The following MYO5B variants were observed in gnomAD, a reference collection of about 807,000 sequenced individuals.
MYO5B encodes unconventional myosin-Vb.
MYO5B carries 143 observed loss-of-function variants against 229.3 expected under a neutral mutation model. That is an observed-to-expected ratio of 0.62 (90% confidence interval 0.54 to 0.72). The LOEUF (loss-of-function observed/expected upper bound fraction) is 0.72, where lower values mean the gene tolerates loss of function less well. Ranked by LOEUF, MYO5B falls within the 30% of genes least tolerant of loss-of-function variation. MYO5B has a pLI of 0.00. For missense variants in MYO5B, 2,321 were observed against 2,331.0 expected, an observed-to-expected ratio of 1.00 and a Z score of 0.09; for synonymous variants, 918 against 885.2, an observed-to-expected ratio of 1.04 and a Z score of -0.66.
intron 1 of MYO5B, among the ~76,000 whole-genome samples, chr18:50,088,032 C>A (rs2031369189): frequency 6.6e-6 from 1 of 152,128 alleles, no homozygotes; most frequent in Admixed American, 6.5e-5. Context: ...TTGAGCAAAG[C>A]TTTGAAGGAT....
chr18:50,041,788 T>C (rs1568082414), intron 2 of MYO5B, among the ~76,000 whole-genome samples: 1 of 152,174 alleles, frequency 6.6e-6, no homozygotes, highest in East Asian at 1.9e-4. Context: ...TTGACTATAA[T>C]TTAAAACTTT....
intron 1 of MYO5B, among the ~76,000 whole-genome samples, chr18:50,178,271 A>G (rs1350560448): frequency 6.6e-6 from 1 of 152,224 alleles, no homozygotes; most frequent in Non-Finnish European, 1.5e-5. Context: ...GGCACAAAGT[A>G]GAATCAATGC....
rs1351932096 is a variant in MYO5B, at chr18:49,992,434, G to A, written c.613-3C>T. On this transcript the variant is annotated splice_polypyrimidine_tract_variant and splice_region_variant and intron_variant, in intron 5 of 39. Coordinates refer to ENST00000285039, the MANE Select transcript of MYO5B (RefSeq NM_001080467.3). Reference sequence around the variant, plus strand: ...GTGGTCTTGGCATTTCCAATGGCCTGCACAGACCAGACAGACAAAGGTATG... The same window carrying A: ...GTGGTCTTGGCATTTCCAATGGCCTACACAGACCAGACAGACAAAGGTATG... 1 of 1,614,058 alleles carries A rather than the reference G, an allele frequency of 6.2e-7. No individual in the cohort carries two copies. Among genetic ancestry groups the A allele is most frequent in the Admixed American group, 1.7e-5 (1 of 60,020 alleles).
chr18:50,099,103 T>C (rs541146069), intron 1 of MYO5B: 1 of 152,492 alleles, frequency 6.6e-6, no homozygotes, highest in Non-Finnish European at 1.5e-5. Flanking sequence ...ATTTAATTCA[T>C]CTTCTGACCA....
At chr18:49,947,521 G>A (rs1420777520) in intron 14 of MYO5B, among the ~76,000 whole-genome samples, 1 of 152,048 alleles carries the variant, frequency 6.6e-6, no homozygotes, top group East Asian at 1.9e-4. Flanking sequence ...ACATACATGG[G>A]GTACCTAGTT....
chr18:49,925,045 G>A (rs1386746493), intron 17 of MYO5B, among the ~76,000 whole-genome samples: 1 of 152,220 alleles, frequency 6.6e-6, no homozygotes, highest in Non-Finnish European at 1.5e-5. Flanking sequence ...AAGTTAACCT[G>A]AAACACTAGT....
intron 25 of MYO5B, 48 bp from the exon 26 acceptor site, chr18:49,875,875 C>A: frequency 6.2e-7 from 1 of 1,609,488 alleles, no homozygotes. Context: ...AAATACATGC[C>A]TTAGGGAACA....
At position 50,115,553 on chromosome 18, in the gene MYO5B, C is replaced by CAGAGAG. The variant is rs1568112670; in HGVS notation, c.28-60176_28-60175insCTCTCT. ...ACACACACACACACAGAGAGACACA[C>CAGAGAG]ACACACACACACACACACACACACA... On this transcript the variant is annotated intron_variant, in intron 1 of 39. Coordinates refer to ENST00000285039, the MANE Select transcript of MYO5B (RefSeq NM_001080467.3). 4.7e-3 allele frequency among the ~76,000 whole-genome samples: 309 copies of CAGAGAG among 65,758 alleles called. 1 individual carries two copies. The highest frequency in any genetic ancestry group is 6.3e-3 in the Non-Finnish European group (217 of 34,298). The allele number at this position is 65,758 out of a possible 152,430, so 43.1% of individuals were successfully genotyped here.
At chr18:50,150,879 T>C (rs1342977935) in intron 1 of MYO5B, among the ~76,000 whole-genome samples, 2 of 152,138 alleles carry the variant, frequency 1.3e-5, no homozygotes, top group Non-Finnish European at 2.9e-5. Flanking sequence ...AGCCACAACA[T>C]ATAGCTGAAA....
intron 5 of MYO5B, among the ~76,000 whole-genome samples, chr18:49,993,039 C>G (rs557252940): frequency 6.6e-6 from 1 of 152,116 alleles, no homozygotes; most frequent in Non-Finnish European, 1.5e-5. Flanking sequence ...CTTGGTATTT[C>G]TTCTGCAGCA....
chr18:49,941,041 C>T (rs995833553), intron 14 of MYO5B, among the ~76,000 whole-genome samples: 1 of 152,164 alleles, frequency 6.6e-6, no homozygotes, highest in African/African-American at 2.4e-5. Flanking sequence ...TTGTTTTACA[C>T]AGCACAGGAG....
At chr18:49,954,022 A>T (rs992531975) in intron 13 of MYO5B, among the ~76,000 whole-genome samples, 1 of 129,814 alleles carries the variant, frequency 7.7e-6, no homozygotes, top group Non-Finnish European at 1.6e-5. Context: ...GTATGTATTT[A>T]TATGTGTGTG....
intron 12 of MYO5B, among the ~76,000 whole-genome samples, chr18:49,954,815 C>G (rs2025474602): frequency 6.6e-6 from 1 of 152,226 alleles, no homozygotes; most frequent in Non-Finnish European, 1.5e-5. Context: ...AACACATCCA[C>G]CTGCAGTGCC....
At chr18:49,965,695 T>A (rs563871161) in intron 10 of MYO5B, among the ~76,000 whole-genome samples, 2 of 151,710 alleles carry the variant, frequency 1.3e-5, no homozygotes, top group African/African-American at 4.8e-5. Flanking sequence ...GGCCAGAGAG[T>A]CGGTAGGCAG....
intron 1 of MYO5B, among the ~76,000 whole-genome samples, chr18:50,074,372 T>C (rs2144455008): frequency 6.6e-6 from 1 of 152,278 alleles, no homozygotes; most frequent in Admixed American, 6.5e-5. Context: ...TCACCATGCA[T>C]TTCCTAAACA....
At chr18:50,000,743 T>G (rs2026037344) in intron 5 of MYO5B, among the ~76,000 whole-genome samples, 1 of 152,148 alleles carries the variant, frequency 6.6e-6, no homozygotes, top group Middle Eastern at 3.2e-3. Context: ...AGGGAACTGT[T>G]TTCTGAGGAG....
chr18:49,938,505 C>T (rs893587175), intron 14 of MYO5B, among the ~76,000 whole-genome samples: 1 of 152,102 alleles, frequency 6.6e-6, no homozygotes, highest in Admixed American at 6.6e-5. Context: ...TTGAGCAATT[C>T]CAATCTCAAC....
At chr18:49,912,208 T>C in intron 17 of MYO5B, 35 bp from the exon 18 acceptor site, 2 of 1,542,076 alleles carry the variant, frequency 1.3e-6, no homozygotes, top group Non-Finnish European at 1.8e-6. Flanking sequence ...AGGTGACACA[T>C]CCTGCCTCTT....
intron 8 of MYO5B, among the ~76,000 whole-genome samples, chr18:49,984,016 G>T (rs2025843967): frequency 6.6e-6 from 1 of 152,184 alleles, no homozygotes; most frequent in Admixed American, 6.5e-5. Context: ...GCGCCACTTG[G>T]GGTTTCAGGC....
Sources: allele counts gnomAD v4.1 joint callset (sites outside exome capture counted in the v4.1 genomes callset), GRCh38; gene constraint gnomAD v4.1.1; transcripts MANE v1.5; gene names NCBI Gene and HGNC (gene_info 2026-07-23, HGNC 2026-07-21).